The following NRG1 variants were observed in gnomAD, a reference collection of about 807,000 sequenced individuals.
NRG1 encodes the protein neuregulin 1, also known as pro-neuregulin-1, membrane-bound isoform.
NRG1 carries 18 observed loss-of-function variants against 63.8 expected under a neutral mutation model. The observed-to-expected ratio is 0.28, with a 90% CI of 0.19 to 0.42. The LOEUF is 0.42. Ranked by LOEUF, NRG1 falls within the 10% of genes least tolerant of loss-of-function variation. NRG1 has a pLI of 1.00. For synonymous variants in NRG1, 302 were observed against 301.3 expected, an observed-to-expected ratio of 1.00 and a Z score of -0.02; for missense variants, 762 against 814.7, an observed-to-expected ratio of 0.94 and a Z score of 0.79.
chr8:32,065,799 C>T, intron 1 of NRG1, among the ~76,000 whole-genome samples: 1 of 152,186 alleles, frequency 6.6e-6, no homozygotes. Flanking sequence ...TACAGTCCCA[C>T]CAACAGTGCA....
chr8:31,783,553 A>G (rs935189808), intron 1 of NRG1, among the ~76,000 whole-genome samples: 4 of 150,924 alleles, frequency 2.7e-5, no homozygotes, highest in Non-Finnish European at 5.9e-5. Flanking sequence ...TTCTAAGCTG[A>G]GGCCAAAATG....
intron 1 of NRG1, among the ~76,000 whole-genome samples, chr8:32,562,825 C>G (rs1017636764): frequency 3.9e-5 from 6 of 152,096 alleles, no homozygotes; most frequent in Non-Finnish European, 7.3e-5. Context: ...CAGAGGAGGA[C>G]TAACTGTATA....
chr8:32,737,856 T>G (rs1163128298), intron 6 of NRG1, among the ~76,000 whole-genome samples: 1 of 151,966 alleles, frequency 6.6e-6, no homozygotes, highest in East Asian at 2.0e-4. Context: ...TTTTTATTTT[T>G]GATAGAGCCA....
chr8:31,974,156 A>G (rs930167341), intron 1 of NRG1, among the ~76,000 whole-genome samples: 1 of 152,114 alleles, frequency 6.6e-6, no homozygotes, highest in Admixed American at 6.5e-5. Flanking sequence ...CAACAGGCAT[A>G]TACATGACAT....
At chr8:32,512,800 C>T (rs1280112813) in intron 1 of NRG1, among the ~76,000 whole-genome samples, 3 of 152,052 alleles carry the variant, frequency 2.0e-5, no homozygotes, top group Non-Finnish European at 4.4e-5. Context: ...CCCACATTTT[C>T]CTTTTTATAC....
chr8:32,006,506 G>A (rs909319108), intron 1 of NRG1, among the ~76,000 whole-genome samples: 1 of 152,028 alleles, frequency 6.6e-6, no homozygotes, highest in Non-Finnish European at 1.5e-5. Flanking sequence ...TCTAATCACA[G>A]AAGCTGTTCA....
At chr8:32,559,421 C>T (rs1588302769) in intron 1 of NRG1, among the ~76,000 whole-genome samples, 1 of 151,974 alleles carries the variant, frequency 6.6e-6, no homozygotes, top group African/African-American at 2.4e-5. Flanking sequence ...TGGGTAATGA[C>T]TGATAGTTTC....
chr8:31,913,537 C>G (rs761155371), intron 1 of NRG1, among the ~76,000 whole-genome samples: 19 of 152,066 alleles, frequency 1.2e-4, no homozygotes, highest in Non-Finnish European at 1.2e-4. Context: ...TAGTGATTGT[C>G]AGATACTGAG....
At chr8:32,647,101 G>A in intron 5 of NRG1, 2 of 985,324 alleles carry the variant, frequency 2.0e-6, no homozygotes, top group Non-Finnish European at 2.4e-6. Context: ...TCTTGCCTCC[G>A]GAGCCCTCTG....
intron 1 of NRG1, among the ~76,000 whole-genome samples, chr8:31,774,357 T>C (rs1818912389): frequency 6.6e-6 from 1 of 152,212 alleles, no homozygotes; most frequent in Non-Finnish European, 1.5e-5. Flanking sequence ...ATATCTTAGA[T>C]CATAATATAT....
chr8:31,787,724 TA>T (rs1453764959), intron 1 of NRG1, among the ~76,000 whole-genome samples: 5 of 152,208 alleles, frequency 3.3e-5, no homozygotes, highest in Admixed American at 3.3e-4. Context: ...GCAAATATAC[TA>T]ATGTTATATA....
intron 1 of NRG1, among the ~76,000 whole-genome samples, chr8:32,516,268 TCTGTTTTTGTATCATTACCATG>T (rs1328618491): frequency 1.0e-3 from 158 of 152,234 alleles, no homozygotes; most frequent in African/African-American, 3.5e-3. Flanking sequence ...GGTCTATGTG[TCTGTTTTTGTATCATTACCATG>T]CTGTTTTTGT....
At chr8:32,324,204 T>C (rs887250603) in intron 1 of NRG1, among the ~76,000 whole-genome samples, 8 of 152,218 alleles carry the variant, frequency 5.3e-5, no homozygotes, top group Non-Finnish European at 8.8e-5. Flanking sequence ...CTGCTGTCTG[T>C]AGACCTCTGT....
chr8:32,299,041 A>G (rs1408058188), intron 1 of NRG1, among the ~76,000 whole-genome samples: 2 of 150,796 alleles, frequency 1.3e-5, no homozygotes, highest in African/African-American at 2.4e-5. Flanking sequence ...AAAAAAAAAA[A>G]AAAAAAAGAA....
chr8:32,676,239 G>A (rs1807084124), intron 5 of NRG1, among the ~76,000 whole-genome samples: 1 of 152,070 alleles, frequency 6.6e-6, no homozygotes, highest in African/African-American at 2.4e-5. Flanking sequence ...TCAGTGGTTT[G>A]GGGAAGGTGC....
At chr8:31,972,306 G>A (rs979420128) in intron 1 of NRG1, among the ~76,000 whole-genome samples, 1 of 151,910 alleles carries the variant, frequency 6.6e-6, no homozygotes, top group Non-Finnish European at 1.5e-5. Flanking sequence ...TGTCATGCAG[G>A]GATTTCTTCA....
At chr8:31,918,770 A>T (rs1379217081) in intron 1 of NRG1, among the ~76,000 whole-genome samples, 1 of 152,170 alleles carries the variant, frequency 6.6e-6, no homozygotes, top group East Asian at 1.9e-4. Context: ...TAGTTTCAGA[A>T]GGAATGGTAC....
At chr8:32,194,912 A>G (rs1842824077) in intron 1 of NRG1, among the ~76,000 whole-genome samples, 1 of 152,208 alleles carries the variant, frequency 6.6e-6, no homozygotes, top group Admixed American at 6.5e-5. Flanking sequence ...TATGAAAAAA[A>G]GATTTCTAAA....
intron 1 of NRG1, among the ~76,000 whole-genome samples, chr8:32,262,110 G>A (rs1189371341): frequency 1.3e-5 from 2 of 152,156 alleles, no homozygotes; most frequent in African/African-American, 2.4e-5. Flanking sequence ...CAAGATTGTT[G>A]TGAGCGTAAA....
Sources: gnomAD v4.1 joint callset for allele counts (sites outside exome capture counted in the v4.1 genomes callset) on GRCh38, gnomAD v4.1.1 for gene constraint, MANE v1.5 for transcripts, NCBI Gene and HGNC (gene_info 2026-07-23, HGNC 2026-07-21) for gene names.